TTN: variants seen among roughly 807,000 people sequenced by gnomAD.
TTN encodes the protein connectin.
In TTN, 1,525 loss-of-function variants were observed where a neutral mutation model predicts 3,223.0. That is an observed-to-expected ratio of 0.47 (90% CI 0.45 to 0.49). TTN has a LOEUF of 0.49. Among genes scored for constraint, TTN ranks in the 20% least tolerant of loss-of-function variants. The pLI, the probability that TTN is intolerant of heterozygous loss-of-function variation, is 0.00. For synonymous variants in TTN, 14,094 were observed against 15,161.0 expected, an observed-to-expected ratio of 0.93 and a Z score of 5.17; for missense variants, 40,786 against 43,424.0, an observed-to-expected ratio of 0.94 and a Z score of 5.40.
chr2:178,560,802 T>C lies in TTN; in HGVS notation c.85330A>G (p.Asn28444Asp). The C allele has an allele frequency of 6.2e-7, 1 of 1,613,732 alleles. No individual in the cohort carries two copies. The highest frequency in any genetic ancestry group is 8.5e-7 in the Non-Finnish European group (1 of 1,179,780). The change falls in exon 326 of 363, where the codon AAT becomes GAT. Residue 28444 changes from asparagine to aspartate, a missense_variant. Asn to Asp is a conservative substitution (Grantham distance 23, BLOSUM62 1). Transcript: ENST00000589042. ...CCAGGCTTATCAAGTACTTTGCAAT[T>C]AACGGCCACAGACCGAGTGCCGGCA... ...NVAGTRSVAVNCKVLDKPGPP... is the reference protein window; with the variant it reads ...NVAGTRSVAVDCKVLDKPGPP...
In TTN at chr2:178,614,571, T is replaced by G. The variant is rs760198616; in HGVS notation, c.48943A>C (p.Thr16315Pro). Residue 16315 changes from threonine to proline, a missense_variant, in exon 261 of 363, where the codon ACA becomes CCA. By Grantham distance (38) the Thr-to-Pro change is conservative. Coordinates refer to ENST00000589042, the MANE Select transcript of TTN (RefSeq NM_001267550.2). ...CTCTTACTATCAACAATAGTCACTG[T>G]GGATTTCTTAGGGACATTTTCAATG... The part of the protein sequence containing the change: ...ITIENVPKKS[T>P]VTIVDSKRSD... 1.9e-6 allele frequency: 3 copies of G among 1,612,458 alleles called. No homozygotes were observed. In the South Asian group the frequency reaches 3.3e-5, roughly 18 times the overall value.
In TTN at chr2:178,641,247, GTTTTTTAAC is replaced by G. The variant is rs866558445; in HGVS notation, c.40618_40626del (p.Val13540_Lys13542del). 3.3e-6 allele frequency: 5 copies of G among 1,506,364 alleles called. No homozygotes were observed. The highest frequency in any genetic ancestry group is 4.4e-6 in the Non-Finnish European group (5 of 1,126,920). 93.3% of individuals were successfully genotyped at this position (1,506,364 alleles called of 1,614,324 possible). ...TTGTCACTGAGATTCCTACCTGCAG[GTTTTTTAAC>G]TTTTTCTAGTTTTTTAGGTTCTACT... On this transcript the variant is annotated inframe_deletion, in exon 220 of 363. Transcript: ENST00000589042.
chr2:178,781,905 AGTGTGT>A (rs139001573), intron 20 of TTN, among the ~76,000 whole-genome samples: 91 of 149,858 alleles, frequency 6.1e-4, no homozygotes, highest in Middle Eastern at 3.4e-3. Flanking sequence ...CTTTTCTGGA[AGTGTGT>A]GTGTGTGTGT....
At position 178,740,888 on chromosome 2, in the gene TTN, T is replaced by C. The variant is rs772593638; in HGVS notation, c.12345A>G (p.Gln4115=). The C allele has an allele frequency of 6.2e-7, 1 of 1,613,898 alleles. No individual in the cohort carries two copies. Among genetic ancestry groups the C allele is most frequent in the South Asian group, 1.1e-5 (1 of 91,082 alleles). ...SQLPLGAQEL[Q]SILEQDKLTP... Reference sequence around the variant, plus strand: ...TGAGCTTGTCTTGCTCCAAAATGGATTGCAATTCCTGAGCTCCCAAAGGAA... The same window carrying C: ...TGAGCTTGTCTTGCTCCAAAATGGACTGCAATTCCTGAGCTCCCAAAGGAA... Residue 4115 remains glutamine, a synonymous_variant, in exon 48 of 363, where the codon CAA becomes CAG. Coordinates refer to ENST00000589042, the MANE Select transcript of TTN (RefSeq NM_001267550.2).
rs2059784476 is a variant in TTN, at chr2:178,631,411, T to G, written c.43748-111A>C. 2 of 1,201,456 alleles carry G rather than the reference T, an allele frequency of 1.7e-6. 1 individual carries two copies. Among genetic ancestry groups the G allele is most frequent in the Non-Finnish European group, 2.3e-6 (2 of 882,218 alleles). 74.4% of individuals were successfully genotyped at this position (1,201,456 alleles called of 1,614,324 possible). ...GAGTTCTGAGTATCTTTTAAAATTGTGTCAAGTGTTCAATCATTTAACCTG... is the reference window on the plus strand; with the variant it reads ...GAGTTCTGAGTATCTTTTAAAATTGGGTCAAGTGTTCAATCATTTAACCTG... On this transcript the variant is annotated intron_variant, in intron 236 of 362. Transcript: ENST00000589042.
Position 178,645,958 on chromosome 2 carries a change from G to T in TTN, c.40370C>A (p.Pro13457His). The change falls in exon 217 of 363, where the codon CCT (proline) becomes CAT (histidine). Residue 13457 changes from proline to histidine, a missense_variant. Pro to His is a moderately conservative substitution (Grantham distance 77, BLOSUM62 -2). Coordinates refer to ENST00000589042, the MANE Select transcript of TTN (RefSeq NM_001267550.2). Reference sequence around the variant, plus strand: ...TATTTTCTCCTTCACATCTTCCTTAGGTGGAGCAGGTGGAGGAGGTGGGGG... The same window carrying T: ...TATTTTCTCCTTCACATCTTCCTTATGTGGAGCAGGTGGAGGAGGTGGGGG... Reference protein sequence around the residue: ...PRPPPPPPAPPKEDVKEKIFQ... With the variant: ...PRPPPPPPAPHKEDVKEKIFQ... 6.3e-7 allele frequency: 1 copy of T among 1,587,770 alleles called. No homozygotes were observed. The highest frequency in any genetic ancestry group is 8.6e-7 in the Non-Finnish European group (1 of 1,169,368).
At chr2:178,685,374 C>T in intron 128 of TTN, 44 bp from the exon 129 acceptor site, 1 of 1,518,468 alleles carries the variant, frequency 6.6e-7, no homozygotes, top group South Asian at 1.3e-5. Flanking sequence ...GTCTAGATTT[C>T]TTTTCGATAA....
chr2:178,722,822 T>C lies in TTN; in HGVS notation c.22077A>G (p.Gly7359=), dbSNP rs202102237. The C allele has an allele frequency of 1.2e-6, 2 of 1,613,214 alleles. No homozygotes were observed. Among genetic ancestry groups the C allele is most frequent in the South Asian group, 2.2e-5 (2 of 91,058 alleles). Residue 7359 remains glycine, a synonymous_variant, in exon 76 of 363, where the codon GGA becomes GGG. Transcript: ENST00000589042. ...CAGGAGTTGGCCGTAATTTGGTATC[T>C]CCTTTGTACCAAGACACTGTAATTT... ...TPEITVSWYK[G]DTKLRPTPEY...
In TTN at chr2:178,579,787, A is replaced by G. The variant is rs1411394327; in HGVS notation, c.67410T>C (p.Ile22470=). The G allele has an allele frequency of 6.2e-7, 1 of 1,613,190 alleles. No individual in the cohort carries two copies. The highest frequency in any genetic ancestry group is 1.7e-5 in the Admixed American group (1 of 59,960). The change falls in exon 319 of 363, where the codon ATT becomes ATC. Residue 22470 remains isoleucine (I), a synonymous_variant. Coordinates refer to ENST00000589042, the MANE Select transcript of TTN (RefSeq NM_001267550.2). The stretch of plus-strand genomic sequence containing the variant: ...CATCACTGTGAGGCTTTTTCCAGCC[A>G]ATGCTACAGGATGACTTAGATACAG... ...VRSVSKSSCS[I]GWKKPHSDGG... is the part of the protein sequence containing the mutation.
At chr2:178,729,229 A>C in intron 64 of TTN, 59 bp downstream of exon 64, 1 of 1,548,986 alleles carries the variant, frequency 6.5e-7, no homozygotes, top group Non-Finnish European at 8.7e-7. Flanking sequence ...ACCCATAATG[A>C]TAAGATTTAA....
In TTN at chr2:178,537,742, T is replaced by G; in HGVS notation, c.99465A>C (p.Thr33155=). ...CCTCTGTCATTACTGTAAGAGTGTG[T>G]GTGCGTCCATCTGAAGACATTTTGT... is the stretch of plus-strand genomic sequence containing the variant. The part of the protein sequence containing the change: ...RKYKMSSDGR[T]HTLTVMTEEQ... The change falls in exon 355 of 363, where the codon ACA becomes ACC. Residue 33155 remains threonine (T), a synonymous_variant. Coordinates refer to ENST00000589042, the MANE Select transcript of TTN (RefSeq NM_001267550.2). 2 of 1,613,812 alleles carry G rather than the reference T, an allele frequency of 1.2e-6. No homozygotes were observed. Among genetic ancestry groups the G allele is most frequent in the Non-Finnish European group, 1.7e-6 (2 of 1,179,778 alleles).
At position 178,586,749 on chromosome 2, in the gene TTN, G is replaced by T. The variant is rs1229924926; in HGVS notation, c.64152C>A (p.Thr21384=). 3.1e-6 allele frequency: 5 copies of T among 1,613,118 alleles called. 1 individual carries two copies. The Middle Eastern group carries it at 5.0e-4, about 160-fold the overall frequency. Residue 21384 remains threonine, a synonymous_variant, in exon 308 of 363, where the codon ACC becomes ACA. Transcript: ENST00000589042. ...CACGTAGGGGAGGTAACCAGGCTAA[G>T]GTGGCACTGTTCTTGGTCATTTCAG... ...EVTEMTKNSA[T]LAWLPPLRDG... is the part of the protein sequence containing the mutation.
Position 178,723,953 on chromosome 2 carries a change from C to G in TTN, c.21306G>C (p.Gln7102His). ...TTFSDNVCTLQLNSLDSSDMG... is the reference protein window; with the variant it reads ...TTFSDNVCTLHLNSLDSSDMG... ...TATCTGAGGAATCCAGAGAATTCAA[C>G]TGCAATGTGCAGACATTATCTGAAA... Residue 7102 changes from glutamine (Q) to histidine (H), a missense_variant, in exon 73 of 363, where the codon CAG becomes CAC. Coordinates refer to ENST00000589042, the MANE Select transcript of TTN (RefSeq NM_001267550.2). 1 of 1,613,608 alleles carries G rather than the reference C, an allele frequency of 6.2e-7. No homozygotes were observed.
At chr2:178,614,019 C>CTTTTTTTT (rs566373563) in intron 262 of TTN, 33 bp downstream of exon 262, 1 of 1,468,140 alleles carries the variant, frequency 6.8e-7, no homozygotes, top group Admixed American at 1.9e-5. Context: ...CATAAGCATC[C>CTTTTTTTT]TTTTTTTTTT....
chr2:178,557,977 G>A lies in TTN; in HGVS notation c.87377C>T (p.Thr29126Ile), dbSNP rs559269036. The change falls in exon 328 of 363, where the codon ACC (threonine) becomes ATC (isoleucine). Residue 29126 changes from threonine to isoleucine, a missense_variant. By Grantham distance (89) the Thr-to-Ile change is moderately conservative. Coordinates refer to ENST00000589042, the MANE Select transcript of TTN (RefSeq NM_001267550.2). ...CACAACAATGTTAATGAAAGCTTTG[G>A]TTGTACCACTGGAGTTGGCAGCAGT... is the stretch of plus-strand genomic sequence containing the variant. ...EITAANSSGT[T>I]KAFINIVVLD... The A allele has an allele frequency of 1.9e-6, 3 of 1,613,502 alleles. No individual in the cohort carries two copies. Among genetic ancestry groups the A allele is most frequent in the Admixed American group, 3.3e-5 (2 of 60,018 alleles).
Position 178,647,062 on chromosome 2 carries a change from A to G in TTN, c.40222+2T>C. 1 of 1,140,204 alleles carries G rather than the reference A, an allele frequency of 8.8e-7. No individual in the cohort carries two copies. Among genetic ancestry groups the G allele is most frequent in the Non-Finnish European group, 1.2e-6 (1 of 858,300 alleles). 70.6% of individuals were successfully genotyped at this position (1,140,204 alleles called of 1,614,324 possible). On this transcript the variant is annotated splice_donor_variant, in intron 215 of 362. Coordinates refer to ENST00000589042, the MANE Select transcript of TTN (RefSeq NM_001267550.2). LOFTEE classifies it high-confidence loss of function. ...AATGTATATATATATATATATATAT[A>G]CCTTCAACAGGGGGAGTCTCTTTTC...
intron 282 of TTN, among the ~76,000 whole-genome samples, chr2:178,602,944 A>C (rs1553676965): frequency 6.6e-6 from 1 of 152,032 alleles, no homozygotes; most frequent in Non-Finnish European, 1.5e-5. Context: ...ATTTAAATTT[A>C]ATTTGCCACA....
chr2:178,563,832 G>C lies in TTN; in HGVS notation c.82300C>G (p.Leu27434Val), dbSNP rs777655678. Residue 27434 changes from leucine to valine, a missense_variant, in exon 326 of 363, where the codon CTT becomes GTT. Physicochemically the swap from Leu to Val is conservative, Grantham distance 32. Coordinates refer to ENST00000589042, the MANE Select transcript of TTN (RefSeq NM_001267550.2). The surrounding 1 kb of genome is among the most constrained non-coding windows in gnomAD (Gnocchi z 4.5). ...VQALNYKVTK[L>V]LPGNEYIFRV... ...AAAATGTACTCATTACCAGGAAGAAGTTTAGTAACTTTGTAGTTAAGGGCC... is the reference window on the plus strand; with the variant it reads ...AAAATGTACTCATTACCAGGAAGAACTTTAGTAACTTTGTAGTTAAGGGCC... 1 of 1,613,730 alleles carries C rather than the reference G, an allele frequency of 6.2e-7. No homozygotes were observed. Among genetic ancestry groups the C allele is most frequent in the South Asian group, 1.1e-5 (1 of 91,078 alleles).
In TTN at chr2:178,599,076, C is replaced by A. The variant is rs773228107; in HGVS notation, c.56648-14G>T. On this transcript the variant is annotated splice_polypyrimidine_tract_variant and intron_variant, in intron 290 of 362. Coordinates refer to ENST00000589042, the MANE Select transcript of TTN (RefSeq NM_001267550.2). Reference sequence around the variant, plus strand: ...CTCCAGGGACAGCTGTGAAAAAGATCATATTGATTATAAGAAATTTAAAAA... The same window carrying A: ...CTCCAGGGACAGCTGTGAAAAAGATAATATTGATTATAAGAAATTTAAAAA... The A allele has an allele frequency of 1.3e-6, 2 of 1,523,018 alleles. No individual in the cohort carries two copies. The highest frequency in any genetic ancestry group is 1.8e-6 in the Non-Finnish European group (2 of 1,140,306). The allele number at this position is 1,523,018 out of a possible 1,614,324, so 94.3% of individuals were successfully genotyped here.
Sources: allele counts gnomAD v4.1 joint callset (sites outside exome capture counted in the v4.1 genomes callset), GRCh38; gene constraint gnomAD v4.1.1; non-coding constraint Gnocchi (gnomAD v3.1); transcripts MANE v1.5; gene names NCBI Gene and HGNC (gene_info 2026-07-23, HGNC 2026-07-21).